Variants in DPYD observed in about 807,000 individuals in gnomAD.
DPYD encodes the protein dihydropyrimidine dehydrogenase [NADP(+)].
Under a neutral mutation model 116.2 loss-of-function variants are expected in DPYD, and 109 were observed. The ratio of observed to expected loss-of-function variants is 0.94; its 90% CI spans 0.80 to 1.10. The LOEUF (loss-of-function observed/expected upper bound fraction) is 1.10. Among genes scored for constraint, DPYD ranks in the 50% least tolerant of loss-of-function variants. The pLI is 0.00. For missense variants in DPYD, 1,302 were observed against 1,254.5 expected, an observed-to-expected ratio of 1.04 and a Z score of -0.57; for synonymous variants, 440 against 432.0, an observed-to-expected ratio of 1.02 and a Z score of -0.23.
At chr1:97,118,187 T>G (rs1167368112) in intron 20 of DPYD, among the ~76,000 whole-genome samples, 1 of 152,158 alleles carries the variant, frequency 6.6e-6, no homozygotes, top group Non-Finnish European at 1.5e-5. Flanking sequence ...AGACTGACCT[T>G]GCTGATGCAA....
At chr1:97,842,968 C>G (rs957533686) in intron 2 of DPYD, among the ~76,000 whole-genome samples, 1 of 152,084 alleles carries the variant, frequency 6.6e-6, no homozygotes, top group Admixed American at 6.5e-5. Flanking sequence ...ATCCCATCTT[C>G]TTGTTCTGTA....
chr1:97,714,288 A>G (rs1571235087), intron 5 of DPYD, among the ~76,000 whole-genome samples: 1 of 152,014 alleles, frequency 6.6e-6, no homozygotes, highest in Non-Finnish European at 1.5e-5. Flanking sequence ...ATCTCGGCTC[A>G]TTGCAACCTC....
At chr1:97,137,722 C>T (rs1429086671) in intron 20 of DPYD, among the ~76,000 whole-genome samples, 1 of 152,088 alleles carries the variant, frequency 6.6e-6, no homozygotes, top group Non-Finnish European at 1.5e-5. Flanking sequence ...TGCAAGCAGG[C>T]CTAAAGTATT....
chr1:97,402,295 T>C (rs1266920834), intron 14 of DPYD, among the ~76,000 whole-genome samples: 1 of 152,258 alleles, frequency 6.6e-6, no homozygotes, highest in African/African-American at 2.4e-5. Context: ...TTTGATTTTG[T>C]CCATCAGAGT....
At chr1:97,157,203 A>C (rs1488954535) in intron 20 of DPYD, among the ~76,000 whole-genome samples, 1 of 151,864 alleles carries the variant, frequency 6.6e-6, no homozygotes, top group African/African-American at 2.4e-5. Flanking sequence ...CCAGCATGGC[A>C]CATGTATACA....
At chr1:97,907,108 G>C (rs1673670348) in intron 1 of DPYD, among the ~76,000 whole-genome samples, 1 of 152,100 alleles carries the variant, frequency 6.6e-6, no homozygotes. Context: ...GGCTGGGCAG[G>C]AAGGAGCGGA....
At chr1:97,625,451 A>G (rs1220311316) in intron 8 of DPYD, among the ~76,000 whole-genome samples, 2 of 152,028 alleles carry the variant, frequency 1.3e-5, no homozygotes, top group East Asian at 1.9e-4. Flanking sequence ...TGATATATCA[A>G]TGGGTAACTG....
intron 16 of DPYD, among the ~76,000 whole-genome samples, chr1:97,332,103 T>C (rs1043770315): frequency 1.3e-5 from 2 of 152,188 alleles, no homozygotes; most frequent in African/African-American, 4.8e-5. Flanking sequence ...AGAATTCCGT[T>C]GGTATTTCTG....
At chr1:97,653,631 T>A (rs138615098) in intron 8 of DPYD, among the ~76,000 whole-genome samples, 1 of 152,262 alleles carries the variant, frequency 6.6e-6, no homozygotes, top group African/African-American at 2.4e-5. Context: ...TTGTCTTATA[T>A]TCTGTTGTCT....
intron 8 of DPYD, among the ~76,000 whole-genome samples, chr1:97,621,759 ATACAAGATAAGCC>A (rs1403511181): frequency 6.6e-6 from 1 of 152,018 alleles, no homozygotes; most frequent in Non-Finnish European, 1.5e-5. Flanking sequence ...GGAAGGAAAT[ATACAAGATAAGCC>A]TAGATCATCT....
At chr1:97,228,429 A>G (rs1661339218) in intron 19 of DPYD, among the ~76,000 whole-genome samples, 1 of 152,158 alleles carries the variant, frequency 6.6e-6, no homozygotes, top group Admixed American at 6.5e-5. Context: ...ATTTGAGTGT[A>G]AATCTTTATT....
At chr1:97,815,024 G>GAGGA (rs145141619) in intron 3 of DPYD, among the ~76,000 whole-genome samples, 1 of 149,846 alleles carries the variant, frequency 6.7e-6, no homozygotes, top group East Asian at 2.0e-4. Flanking sequence ...AAAAGGAAAG[G>GAGGA]AGGAAGGAAG....
intron 2 of DPYD, among the ~76,000 whole-genome samples, chr1:97,854,261 A>T (rs1359906564): frequency 6.6e-6 from 1 of 152,234 alleles, no homozygotes; most frequent in East Asian, 1.9e-4. Flanking sequence ...ATTCATGAAA[A>T]TATCTGTATT....
chr1:97,099,985 A>G (rs1256156644), intron 20 of DPYD, among the ~76,000 whole-genome samples: 1 of 152,100 alleles, frequency 6.6e-6, no homozygotes, highest in African/African-American at 2.4e-5. Flanking sequence ...AGTCAAGTAA[A>G]TGGAAACAAT....
intron 3 of DPYD, among the ~76,000 whole-genome samples, chr1:97,762,348 T>C (rs748009667): frequency 6.6e-6 from 1 of 152,064 alleles, no homozygotes; most frequent in Non-Finnish European, 1.5e-5. Context: ...GATATTATTG[T>C]ACAGATAAAG....
At chr1:97,532,482 AATTAACC>A (rs1201491875) in intron 12 of DPYD, among the ~76,000 whole-genome samples, 4 of 152,160 alleles carry the variant, frequency 2.6e-5, no homozygotes, top group Non-Finnish European at 5.9e-5. Context: ...TGTACAGTAA[AATTAACC>A]TGTGAAGCCA....
At chr1:97,191,242 T>A (rs1480588777) in intron 20 of DPYD, among the ~76,000 whole-genome samples, 4 of 151,868 alleles carry the variant, frequency 2.6e-5, no homozygotes, top group African/African-American at 7.3e-5. Flanking sequence ...AAAAGAACGA[T>A]TAGGAAATCA....
intron 18 of DPYD, among the ~76,000 whole-genome samples, chr1:97,281,398 G>C (rs572055546): frequency 2.0e-5 from 3 of 151,738 alleles, no homozygotes; most frequent in South Asian, 2.1e-4. Flanking sequence ...ATTTGAAAGA[G>C]AGAAAATATA....
chr1:97,292,290 GA>G (rs1332218274), intron 18 of DPYD, among the ~76,000 whole-genome samples: 2 of 152,258 alleles, frequency 1.3e-5, no homozygotes, highest in African/African-American at 2.4e-5. Flanking sequence ...ATAAAAGAAA[GA>G]GATTTAATTC....
Sources: allele counts gnomAD v4.1 joint callset (sites outside exome capture counted in the v4.1 genomes callset), GRCh38; gene constraint gnomAD v4.1.1; transcripts MANE v1.5; gene names NCBI Gene and HGNC (gene_info 2026-07-23, HGNC 2026-07-21).